The following LRRTM4 variants were observed in gnomAD, a reference collection of about 807,000 sequenced individuals.
The protein encoded by LRRTM4 is leucine-rich repeat transmembrane neuronal protein 4.
LRRTM4 carries 25 observed loss-of-function variants against 47.6 expected under a neutral mutation model. The observed-to-expected ratio is 0.53, with a 90% CI of 0.38 to 0.73. LRRTM4 has a LOEUF of 0.73. LRRTM4 is among the 30% of genes least tolerant of loss of function. The probability of loss-of-function intolerance (pLI) is 0.00; values close to 1 mark genes in which losing one functional copy is unlikely to be tolerated. For missense variants in LRRTM4, 638 were observed against 713.4 expected (o/e 0.89, Z 1.20); for synonymous variants, 311 against 269.5 (o/e 1.15, Z -1.51).
chr2:77,409,054 A>C (rs1376911553), intron 3 of LRRTM4, among the ~76,000 whole-genome samples: 1 of 152,162 alleles, frequency 6.6e-6, no homozygotes, highest in East Asian at 1.9e-4. Context: ...GTGTCTTTTA[A>C]TGAACATTGA....
chr2:76,906,753 C>A (rs1196406154), intron 3 of LRRTM4, among the ~76,000 whole-genome samples: 2 of 150,972 alleles, frequency 1.3e-5, no homozygotes, highest in South Asian at 2.1e-4. Context: ...ACAAAGAAGG[C>A]CATTACATAA....
chr2:77,336,153 A>G (rs1055124211), intron 3 of LRRTM4, among the ~76,000 whole-genome samples: 3 of 150,382 alleles, frequency 2.0e-5, no homozygotes, highest in African/African-American at 7.3e-5. Context: ...AGAAGGAAGG[A>G]AGGGAGAAAG....
intron 3 of LRRTM4, among the ~76,000 whole-genome samples, chr2:76,968,383 T>TATATATATATAC (rs797010446): frequency 2.5e-4 from 28 of 111,408 alleles, no homozygotes; most frequent in East Asian, 3.3e-4. Context: ...TATATATATA[T>TATATATATATAC]ACACATACAT....
intron 3 of LRRTM4, among the ~76,000 whole-genome samples, chr2:76,889,872 G>A (rs1673196309): frequency 6.6e-6 from 1 of 151,858 alleles, no homozygotes; most frequent in Admixed American, 6.6e-5. Flanking sequence ...GAGGTAGGAT[G>A]ATTGCAAAAG....
intron 3 of LRRTM4, among the ~76,000 whole-genome samples, chr2:76,997,772 G>A (rs750338498): frequency 6.6e-6 from 1 of 152,048 alleles, no homozygotes; most frequent in Non-Finnish European, 1.5e-5. Context: ...GTGAGCACCG[G>A]CCAGCAAGTG....
intron 3 of LRRTM4, among the ~76,000 whole-genome samples, chr2:77,480,583 G>C (rs553136883): frequency 2.6e-5 from 4 of 152,074 alleles, no homozygotes; most frequent in Non-Finnish European, 4.4e-5. Flanking sequence ...TCAATTCCTA[G>C]ATAGATTTCT....
At chr2:77,185,334 C>T (rs1379130367) in intron 3 of LRRTM4, among the ~76,000 whole-genome samples, 1 of 152,036 alleles carries the variant, frequency 6.6e-6, no homozygotes, top group Non-Finnish European at 1.5e-5. Context: ...GGCCATAGAT[C>T]AAAGTTGATT....
chr2:77,432,451 G>T (rs1406729681), intron 3 of LRRTM4, among the ~76,000 whole-genome samples: 1 of 152,226 alleles, frequency 6.6e-6, no homozygotes, highest in African/African-American at 2.4e-5. Context: ...GGCAAATTTT[G>T]TAAGGTATAT....
chr2:77,178,314 G>A (rs565480069), intron 3 of LRRTM4, among the ~76,000 whole-genome samples: 27 of 152,178 alleles, frequency 1.8e-4, no homozygotes, highest in East Asian at 5.8e-4. Flanking sequence ...TCTGCTGGGC[G>A]CGGTGGCTCA....
chr2:76,904,384 C>T lies in LRRTM4; in HGVS notation c.1552-155468G>A, dbSNP rs192509099. Among the ~76,000 whole-genome samples the T allele has an allele frequency of 2.6e-5, 4 of 152,292 alleles. No individual in the cohort carries two copies. In the East Asian group the frequency reaches 7.7e-4, roughly 29 times the overall value. ...AAGAAACAATGACAGACAGAGTGGA[C>T]AGGAAATCCTTCCGACTTGCTGGGG... On this transcript the variant is annotated intron_variant, in intron 3 of 3. Transcript: ENST00000409884.
At chr2:77,017,765 CTA>C (rs1678119517) in intron 3 of LRRTM4, among the ~76,000 whole-genome samples, 1 of 150,990 alleles carries the variant, frequency 6.6e-6, no homozygotes, top group South Asian at 2.1e-4. Flanking sequence ...TTAGGAATGA[CTA>C]TGTGAATTGT....
At chr2:77,225,329 G>T (rs1172211517) in intron 3 of LRRTM4, among the ~76,000 whole-genome samples, 2 of 150,304 alleles carry the variant, frequency 1.3e-5, no homozygotes, top group Admixed American at 6.6e-5. Flanking sequence ...AAACCTGCAC[G>T]TTGTGCACAT....
chr2:76,844,749 T>C (rs1671790120), intron 3 of LRRTM4, among the ~76,000 whole-genome samples: 1 of 152,186 alleles, frequency 6.6e-6, no homozygotes, highest in Non-Finnish European at 1.5e-5. Context: ...TACTTAATGA[T>C]GTTTGGATGT....
chr2:77,357,026 G>A (rs1030904698), intron 3 of LRRTM4, among the ~76,000 whole-genome samples: 1 of 151,892 alleles, frequency 6.6e-6, no homozygotes, highest in Non-Finnish European at 1.5e-5. Context: ...TAAGTTATTA[G>A]TGATTCAAAA....
At chr2:77,112,963 A>G (rs1311255122) in intron 3 of LRRTM4, among the ~76,000 whole-genome samples, 2 of 152,130 alleles carry the variant, frequency 1.3e-5, no homozygotes, top group Non-Finnish European at 2.9e-5. Context: ...TCCGAGACAG[A>G]TTTTTCAACC....
Position 77,019,406 on chromosome 2 carries a change from C to T in LRRTM4, c.1552-270490G>A, listed in dbSNP as rs538950280. On this transcript the variant is annotated intron_variant, in intron 3 of 3. Coordinates refer to ENST00000409884, the MANE Select transcript of LRRTM4 (RefSeq NM_001134745.3). ...AGAGTACTACCTCTTCAGTCAGAATCATGAGGTTTTAATCACAAATTTCTA... is the reference window on the plus strand; with the variant it reads ...AGAGTACTACCTCTTCAGTCAGAATTATGAGGTTTTAATCACAAATTTCTA... 3.9e-5 allele frequency among the ~76,000 whole-genome samples: 6 copies of T among 152,080 alleles called. No homozygotes were observed. The South Asian group carries it at 1.2e-3, about 32-fold the overall frequency.
chr2:76,914,205 C>G lies in LRRTM4; in HGVS notation c.1552-165289G>C, dbSNP rs563554633. 3.3e-5 allele frequency among the ~76,000 whole-genome samples: 5 copies of G among 152,000 alleles called. No homozygotes were observed. In the South Asian group the frequency reaches 1.0e-3, roughly 32 times the overall value. The stretch of plus-strand genomic sequence containing the variant: ...ATTTAATTGATATTCCCCTAAAGCT[C>G]CGTCCATCATATCAATAACTTTATA... On this transcript the variant is annotated intron_variant, in intron 3 of 3. Coordinates refer to ENST00000409884, the MANE Select transcript of LRRTM4 (RefSeq NM_001134745.3).
rs115721532 is a variant in LRRTM4 at position 77,025,640 on chromosome 2, T to C, written c.1552-276724A>G. On this transcript the variant is annotated intron_variant, in intron 3 of 3. Coordinates refer to ENST00000409884, the MANE Select transcript of LRRTM4 (RefSeq NM_001134745.3). ...GTTGTACAATAGCTTAGTAAGTGAC[T>C]AAAGAAAAAGGACAAGGCTGGTAGA... Among the ~76,000 whole-genome samples the C allele has an allele frequency of 2.1e-3, 321 of 152,180 alleles. 5 individuals carry two copies. Among genetic ancestry groups the C allele is most frequent in the African/African-American group, 6.5e-3 (270 of 41,534 alleles).
chr2:76,768,838 A>G (rs1673564697), intron 3 of LRRTM4, among the ~76,000 whole-genome samples: 1 of 152,120 alleles, frequency 6.6e-6, no homozygotes, highest in South Asian at 2.1e-4. Context: ...AAACCGGTAA[A>G]TATTTCTGAA....
Sources: gnomAD v4.1 joint callset for allele counts (sites outside exome capture counted in the v4.1 genomes callset) on GRCh38, gnomAD v4.1.1 for gene constraint, MANE v1.5 for transcripts, NCBI Gene and HGNC (gene_info 2026-07-23, HGNC 2026-07-21) for gene names.